Variants in COL5A2 observed in about 807,000 individuals in gnomAD.
COL5A2 encodes collagen type V alpha 2 chain, also known as collagen alpha-2(V) chain.
COL5A2 carries 23 observed loss-of-function variants against 208.2 expected under a neutral mutation model. That is an observed-to-expected ratio of 0.11 (90% confidence interval 0.08 to 0.16). COL5A2 has a LOEUF of 0.16. Among genes scored for constraint, COL5A2 ranks in the 10% least tolerant of loss-of-function variants. The pLI, the probability that COL5A2 is intolerant of heterozygous loss-of-function variation, is 1.00. For missense variants in COL5A2, 1,590 were observed against 1,956.4 expected (o/e 0.81, Z 3.53); for synonymous variants, 625 against 628.5 (o/e 0.99, Z 0.08).
chr2:189,056,264 T>C (rs1441886089), intron 35 of COL5A2, among the ~76,000 whole-genome samples: 2 of 152,206 alleles, frequency 1.3e-5, no homozygotes, highest in Non-Finnish European at 2.9e-5. Flanking sequence ...ACAGAAATCA[T>C]TAGTCAAATA....
the COL5A2 span, among the ~76,000 whole-genome samples, chr2:189,383,006 T>C: frequency 2.0e-5 from 3 of 152,128 alleles, no homozygotes; most frequent in East Asian, 1.9e-4. Context: ...AATGTCACCA[T>C]GGCTTGACCA....
intron 45 of COL5A2, 91 bp from the exon 46 acceptor site, chr2:189,045,998 T>A: frequency 9.4e-7 from 1 of 1,064,686 alleles, no homozygotes; most frequent in Non-Finnish European, 1.4e-6. Flanking sequence ...GTATTAATAA[T>A]GGGAAAAAAT....
intron 1 of COL5A2, among the ~76,000 whole-genome samples, chr2:189,117,888 C>T (rs910665612): frequency 1.3e-5 from 2 of 151,904 alleles, no homozygotes; most frequent in South Asian, 2.1e-4. Context: ...TTCTGATATC[C>T]TAGAATAGTG....
rs577229451 is a variant in COL5A2 at position 189,191,942 on chromosome 2, G to C, written c.-42+33206C>G. Among the ~76,000 whole-genome samples, 9 of 150,788 alleles carry C rather than the reference G, an allele frequency of 6.0e-5. 1 individual carries two copies. Among genetic ancestry groups the C allele is most frequent in the African/African-American group, 2.2e-4 (9 of 41,200 alleles). On this transcript the variant is annotated intron_variant, in intron 1 of 10. Transcript: ENST00000649966. ...ACTCTGCATGGTTTTGTTTATTGTA[G>C]AACCACACCCATATCTTTGCTTCCA... is the stretch of plus-strand genomic sequence containing the variant.
rs1215994313 is a variant in COL5A2, at chr2:189,032,421, T to C, written c.*1649A>G. 1 of 152,116 alleles carries C rather than the reference T, an allele frequency of 6.6e-6. No individual in the cohort carries two copies. Among genetic ancestry groups the C allele is most frequent in the African/African-American group, 2.4e-5 (1 of 41,438 alleles). The allele number at this position is 152,116 out of a possible 1,614,324, so 9.4% of individuals were successfully genotyped here. On this transcript the variant is annotated 3_prime_UTR_variant, in exon 54 of 54. Transcript: ENST00000374866. ...GTATCCGTTGTATCTTTTAAACAAA[T>C]GGCAAACAAAGTATACCACCACATC...
the COL5A2 span, among the ~76,000 whole-genome samples, chr2:189,267,528 A>G: frequency 6.6e-6 from 1 of 152,170 alleles, no homozygotes; most frequent in Non-Finnish European, 1.5e-5. Flanking sequence ...AAATATAGGA[A>G]TAAAAGAGAA....
chr2:189,049,872 C>T (rs1395576732), intron 43 of COL5A2, among the ~76,000 whole-genome samples: 1 of 152,164 alleles, frequency 6.6e-6, no homozygotes, highest in African/African-American at 2.4e-5. Context: ...CTTCTGATAA[C>T]AATAAGACAT....
In COL5A2 at chr2:189,085,712, C is replaced by T. The variant is rs774993105; in HGVS notation, c.744+7G>A. Reference sequence around the variant, plus strand: ...TAACTGGGTCTACATGCTTACTTGACATTTACCATTGGTCCAGGATCACCA... The same window carrying T: ...TAACTGGGTCTACATGCTTACTTGATATTTACCATTGGTCCAGGATCACCA... On this transcript the variant is annotated splice_region_variant and intron_variant, in intron 10 of 53. Transcript: ENST00000374866. 7 of 1,612,506 alleles carry T rather than the reference C, an allele frequency of 4.3e-6. No individual in the cohort carries two copies. The highest frequency in any genetic ancestry group is 5.9e-6 in the Non-Finnish European group (7 of 1,178,744).
chr2:189,283,188 G>A, the COL5A2 span, among the ~76,000 whole-genome samples: 3 of 149,470 alleles, frequency 2.0e-5, no homozygotes, highest in Admixed American at 6.7e-5. Flanking sequence ...TAAAGAGGAA[G>A]GAAAGAGGAA....
At chr2:189,314,803 C>T in the COL5A2 span, among the ~76,000 whole-genome samples, 1 of 152,164 alleles carries the variant, frequency 6.6e-6, no homozygotes, top group African/African-American at 2.4e-5. Flanking sequence ...TTATGAACAC[C>T]TCTATGCACA....
At chr2:189,213,437 C>T (rs1245407545) in intron 1 of COL5A2, among the ~76,000 whole-genome samples, 2 of 152,144 alleles carry the variant, frequency 1.3e-5, no homozygotes, top group African/African-American at 4.8e-5. Context: ...GACAGCCAGA[C>T]ATTATGTGCT....
At chr2:189,160,618 C>G (rs958454306) in intron 1 of COL5A2, among the ~76,000 whole-genome samples, 13 of 152,028 alleles carry the variant, frequency 8.6e-5, no homozygotes, top group African/African-American at 3.1e-4. Flanking sequence ...AAGGTCTACA[C>G]CTGCTGTCTT....
chr2:189,058,854 G>A lies in COL5A2; in HGVS notation c.2125C>T (p.Pro709Ser). 6.2e-7 allele frequency: 1 copy of A among 1,613,412 alleles called. No homozygotes were observed. Reference protein sequence around the residue: ...GDPGAVGPLGPRGERGNPGER... With the variant: ...GDPGAVGPLGSRGERGNPGER... ...ATGAAGATTAAAATACTTACTCTAG[G>A]TCCTAACGGGCCAACTGCTCCGGGA... Residue 709 changes from proline (P) to serine (S), a missense_variant, in exon 32 of 54, where the codon CCT becomes TCT. Coordinates refer to ENST00000374866, the MANE Select transcript of COL5A2 (RefSeq NM_000393.5).
the COL5A2 span, among the ~76,000 whole-genome samples, chr2:189,268,997 T>A: frequency 6.6e-6 from 1 of 152,118 alleles, no homozygotes; most frequent in Non-Finnish European, 1.5e-5. Flanking sequence ...CTGAGCCTTA[T>A]CTTAAGGAAA....
intron 1 of COL5A2, among the ~76,000 whole-genome samples, chr2:189,127,632 C>T (rs183478337): frequency 2.0e-5 from 3 of 152,020 alleles, no homozygotes; most frequent in Admixed American, 2.0e-4. Context: ...TACCCCCTTC[C>T]CAAGGTTGTT....
At chr2:189,329,237 C>G in the COL5A2 span, among the ~76,000 whole-genome samples, 3 of 152,146 alleles carry the variant, frequency 2.0e-5, no homozygotes, top group Admixed American at 2.0e-4. Flanking sequence ...AAGACAAATA[C>G]TGCACGATCT....
chr2:189,235,153 T>G, the COL5A2 span, among the ~76,000 whole-genome samples: 1 of 151,682 alleles, frequency 6.6e-6, no homozygotes, highest in Non-Finnish European at 1.5e-5. Context: ...AGTAGCCACA[T>G]GAGTCCAGTG....
chr2:189,354,288 G>C, the COL5A2 span, among the ~76,000 whole-genome samples: 7 of 152,280 alleles, frequency 4.6e-5, no homozygotes, highest in African/African-American at 1.7e-4. Flanking sequence ...GATAATGCTG[G>C]CCTCATAAAA....
chr2:189,300,781 C>T, the COL5A2 span, among the ~76,000 whole-genome samples: 1 of 152,174 alleles, frequency 6.6e-6, no homozygotes, highest in Non-Finnish European at 1.5e-5. Flanking sequence ...TAATGCTGCC[C>T]CAAAGAATAG....
Sources: gnomAD v4.1 joint callset for allele counts (sites outside exome capture counted in the v4.1 genomes callset) on GRCh38, gnomAD v4.1.1 for gene constraint, MANE v1.5 for transcripts, NCBI Gene and HGNC (gene_info 2026-07-23, HGNC 2026-07-21) for gene names.